The following RPGRIP1 variants were observed in gnomAD, a reference collection of about 807,000 sequenced individuals.
RPGRIP1 encodes RPGR interacting protein 1.
A neutral mutation model predicts 157.9 loss-of-function variants in RPGRIP1; 128 were observed. The ratio of observed to expected loss-of-function variants is 0.81; its 90% CI spans 0.70 to 0.94. The LOEUF is 0.94. Among genes scored for constraint, RPGRIP1 ranks in the 40% least tolerant of loss-of-function variants. The pLI, the probability that RPGRIP1 is intolerant of heterozygous loss-of-function variation, is 0.00. For synonymous variants in RPGRIP1, 554 were observed against 571.6 expected (o/e 0.97, Z 0.44); for missense variants, 1,486 against 1,545.8 (o/e 0.96, Z 0.65).
intron 1 of RPGRIP1, among the ~76,000 whole-genome samples, chr14:21,284,404 T>C (rs1313246619): frequency 1.3e-5 from 2 of 148,406 alleles, no homozygotes; most frequent in Non-Finnish European, 3.0e-5. Flanking sequence ...ACAATCAGAC[T>C]GGTAAGAGAA....
chr14:21,285,392 T>G, intron 1 of RPGRIP1, among the ~76,000 whole-genome samples: 1 of 151,702 alleles, frequency 6.6e-6, no homozygotes, highest in East Asian at 1.9e-4. Context: ...GATCACAAGA[T>G]CAGGAGATCA....
Position 21,302,865 on chromosome 14 carries a change from G to GTTTTTT in RPGRIP1, c.587+298_587+303dup, listed in dbSNP as rs59447072. 320 of 88,232 alleles carry GTTTTTT rather than the reference G, an allele frequency of 3.6e-3. 4 individuals carry two copies. The highest frequency in any genetic ancestry group is 7.2e-3 in the East Asian group (20 of 2,786). 5.5% of individuals were successfully genotyped at this position (88,232 alleles called of 1,614,324 possible). ...CCTTAGGTCATAATTCCTTTGTTGT[G>GTTTTTT]TTTTTTTTTTTTTTTTTTTTTTGAG... On this transcript the variant is annotated intron_variant, in intron 5 of 24. Transcript: ENST00000400017.
chr14:21,319,076 G>A (rs1594196370), intron 11 of RPGRIP1, among the ~76,000 whole-genome samples: 2 of 152,192 alleles, frequency 1.3e-5, no homozygotes, highest in South Asian at 2.1e-4. Flanking sequence ...AATAGGGAAC[G>A]GAAGGAAAAG....
rs1174232310 is a variant in RPGRIP1, at chr14:21,327,732, T to C, written c.2820T>C (p.Ala940=). 2 of 1,613,862 alleles carry C rather than the reference T, an allele frequency of 1.2e-6. No individual in the cohort carries two copies. The highest frequency in any genetic ancestry group is 1.1e-5 in the South Asian group (1 of 91,072). Reference sequence around the variant, plus strand: ...CTGAGAGCTTCCTGAAACCAGAAGCTCAGACTAAGGGGAAGGATACCAAGG... The same window carrying C: ...CTGAGAGCTTCCTGAAACCAGAAGCCCAGACTAAGGGGAAGGATACCAAGG... ...IPPESFLKPE[A]QTKGKDTKDS... Residue 940 remains alanine, a synonymous_variant, in exon 18 of 25, where the codon GCT becomes GCC. Coordinates refer to ENST00000400017, the MANE Select transcript of RPGRIP1 (RefSeq NM_020366.4).
At chr14:21,323,660 T>G (rs891846866) in intron 14 of RPGRIP1, among the ~76,000 whole-genome samples, 1 of 152,118 alleles carries the variant, frequency 6.6e-6, no homozygotes, top group African/African-American at 2.4e-5. Flanking sequence ...CTTAACAGTA[T>G]CCTATTGATT....
chr14:21,324,329 T>C, intron 14 of RPGRIP1: 1 of 475,624 alleles, frequency 2.1e-6, no homozygotes, highest in South Asian at 2.1e-5. Context: ...CAAAACAATG[T>C]CATATATAAG....
intron 11 of RPGRIP1, among the ~76,000 whole-genome samples, chr14:21,319,705 C>T (rs1456909512): frequency 2.0e-5 from 3 of 152,054 alleles, no homozygotes; most frequent in Non-Finnish European, 2.9e-5. Context: ...ATACTGGTTT[C>T]GATGCTGCTG....
chr14:21,306,015 T>G (rs1009637455), intron 6 of RPGRIP1, among the ~76,000 whole-genome samples: 6 of 150,238 alleles, frequency 4.0e-5, no homozygotes, highest in Admixed American at 3.4e-4. Flanking sequence ...AGGGAATCAA[T>G]GAGATAGAGT....
chr14:21,335,613 G>A (rs926564950), intron 21 of RPGRIP1, among the ~76,000 whole-genome samples: 1 of 152,094 alleles, frequency 6.6e-6, no homozygotes, highest in East Asian at 1.9e-4. Context: ...GGTGGATCAC[G>A]AGGTCAGGAG....
At chr14:21,294,431 T>A (rs1594166691) in intron 2 of RPGRIP1, among the ~76,000 whole-genome samples, 1 of 152,036 alleles carries the variant, frequency 6.6e-6, no homozygotes, top group Non-Finnish European at 1.5e-5. Context: ...GGTTTCACCA[T>A]GTTGGTCAGG....
chr14:21,332,830 G>A (rs534565326), intron 20 of RPGRIP1, among the ~76,000 whole-genome samples: 1 of 152,276 alleles, frequency 6.6e-6, no homozygotes, highest in South Asian at 2.1e-4. Context: ...AGACTGGCCA[G>A]GCGCAGTGGC....
At chr14:21,310,885 G>C (rs1269663093) in intron 8 of RPGRIP1, 1 of 641,214 alleles carries the variant, frequency 1.6e-6, no homozygotes, top group Non-Finnish European at 2.9e-6. Flanking sequence ...TATAGCATTT[G>C]CTCAAAACTT....
intron 3 of RPGRIP1, among the ~76,000 whole-genome samples, chr14:21,300,434 A>G (rs549650844): frequency 4.9e-4 from 75 of 152,296 alleles, no homozygotes; most frequent in Non-Finnish European, 8.5e-4. Context: ...GCATAGAATC[A>G]GATAGTAGCA....
intron 2 of RPGRIP1, among the ~76,000 whole-genome samples, chr14:21,293,688 C>A (rs1365826793): frequency 6.6e-6 from 1 of 152,116 alleles, no homozygotes; most frequent in Non-Finnish European, 1.5e-5. Context: ...ACCATCCTGG[C>A]TAACATGGAG....
intron 11 of RPGRIP1, among the ~76,000 whole-genome samples, chr14:21,319,423 G>A (rs926033048): frequency 2.0e-5 from 3 of 152,110 alleles, no homozygotes; most frequent in Admixed American, 1.3e-4. Context: ...TTAGCCAGTC[G>A]TAGTGTCGTG....
rs1271141968 is a variant in RPGRIP1 at position 21,343,104 on chromosome 14, T to C, written c.3408T>C (p.Asp1136=). 1.2e-6 allele frequency: 2 copies of C among 1,612,018 alleles called. No individual in the cohort carries two copies. The highest frequency in any genetic ancestry group is 1.1e-5 in the South Asian group (1 of 91,026). ...ACCCAGAGGCAGAAGTGATGTCTGATGAGAACATAAAACAGGTGTATGTGG... is the reference window on the plus strand; with the variant it reads ...ACCCAGAGGCAGAAGTGATGTCTGACGAGAACATAAAACAGGTGTATGTGG... ...AFYPEAEVMS[D]ENIKQVYVEY... The change falls in exon 22 of 25, where the codon GAT becomes GAC. Residue 1136 remains aspartate, a synonymous_variant. Coordinates refer to ENST00000400017, the MANE Select transcript of RPGRIP1 (RefSeq NM_020366.4).
chr14:21,303,633 AAG>A, intron 6 of RPGRIP1, 90 bp downstream of exon 6: 1 of 1,002,158 alleles, frequency 1.0e-6, no homozygotes, highest in Non-Finnish European at 1.5e-6. Flanking sequence ...CTCAGAGGAA[AAG>A]AGTGTTTGGG....
chr14:21,294,494 C>T (rs1269819964), intron 2 of RPGRIP1, among the ~76,000 whole-genome samples, 183 bp from the exon 3 acceptor site: 13 of 152,120 alleles, frequency 8.5e-5, no homozygotes, highest in Non-Finnish European at 1.6e-4. Flanking sequence ...TCCCAAAGTG[C>T]TGGGATTACA....
At chr14:21,301,717 AATAAT>A (rs1046435043) in intron 4 of RPGRIP1, among the ~76,000 whole-genome samples, 112 of 85,588 alleles carry the variant, frequency 1.3e-3, no homozygotes, top group Non-Finnish European at 2.7e-4. Flanking sequence ...TAATAATAAT[AATAAT>A]AAAAAATTAG....
Sources: gnomAD v4.1 joint callset for allele counts (sites outside exome capture counted in the v4.1 genomes callset) on GRCh38, gnomAD v4.1.1 for gene constraint, MANE v1.5 for transcripts, NCBI Gene and HGNC (gene_info 2026-07-23, HGNC 2026-07-21) for gene names.